KCNQ1: variants seen among roughly 807,000 people sequenced by gnomAD.
KCNQ1 encodes the protein potassium voltage-gated channel subfamily Q member 1, also known as potassium voltage-gated channel subfamily KQT member 1.
KCNQ1 carries 49 observed loss-of-function variants against 72.4 expected under a neutral mutation model. The ratio of observed to expected loss-of-function variants is 0.68; its 90% confidence interval spans 0.54 to 0.86. The LOEUF is 0.86. Among genes scored for constraint, KCNQ1 ranks in the 40% least tolerant of loss-of-function variants. The pLI is 0.00. For synonymous variants in KCNQ1, 450 were observed against 412.6 expected, an observed-to-expected ratio of 1.09 and a Z score of -1.10; for missense variants, 790 against 945.1, an observed-to-expected ratio of 0.84 and a Z score of 2.15.
chr11:2,751,917 C>G (rs1440231140), intron 11 of KCNQ1, among the ~76,000 whole-genome samples: 1 of 152,224 alleles, frequency 6.6e-6, no homozygotes, highest in Non-Finnish European at 1.5e-5. Context: ...TTCCTCTGAG[C>G]CCCTCGTGGA....
rs532590374 is a variant in KCNQ1 at position 2,803,327 on chromosome 11, G to A, written c.1794+25290G>A. Among the ~76,000 whole-genome samples, 2 of 152,346 alleles carry A rather than the reference G, an allele frequency of 1.3e-5. No individual in the cohort carries two copies. Among genetic ancestry groups the A allele is most frequent in the South Asian group, 4.1e-4 (2 of 4,824 alleles). ...GCTTCCTGGGGGCCCAGGTCAGCCT[G>A]GACGGTGGCAGGACTCGGCGAGGTG... On this transcript the variant is annotated intron_variant, in intron 15 of 15. Coordinates refer to ENST00000155840, the MANE Select transcript of KCNQ1 (RefSeq NM_000218.3). The surrounding 1 kb of genome is among the most constrained non-coding windows in gnomAD (Gnocchi z 6.4).
In KCNQ1 at chr11:2,621,903, C is replaced by A. The variant is rs899600129; in HGVS notation, c.1393+33049C>A. The A allele has an allele frequency of 2.5e-6, 1 of 398,116 alleles. No individual in the cohort carries two copies. The highest frequency in any genetic ancestry group is 2.1e-5 in the African/African-American group (1 of 48,580). 24.7% of individuals were successfully genotyped at this position (398,116 alleles called of 1,614,324 possible). A position where few individuals can be genotyped will look rare whatever the true frequency, so the allele number is the denominator to read the frequency against. Reference sequence around the variant, plus strand: ...CTGTTCTGATCTTTATTATTTCCTTCTGTTAACTTTGGCTTTAGTTTGTTC... The same window carrying A: ...CTGTTCTGATCTTTATTATTTCCTTATGTTAACTTTGGCTTTAGTTTGTTC... On this transcript the variant is annotated intron_variant, in intron 10 of 15. Transcript: ENST00000155840. This position sits in a 1 kb window ranked among gnomAD's most constrained non-coding sequence, Gnocchi z 5.7.
intron 1 of KCNQ1, among the ~76,000 whole-genome samples, chr11:2,455,088 A>C (rs147542253): frequency 1.3e-5 from 2 of 150,246 alleles, no homozygotes; most frequent in Admixed American, 1.3e-4. Flanking sequence ...ATCCATGTAC[A>C]AAAATCAGCA....
chr11:2,469,118 C>T (rs756949826), intron 1 of KCNQ1, among the ~76,000 whole-genome samples: 2 of 152,176 alleles, frequency 1.3e-5, no homozygotes, highest in East Asian at 1.9e-4. Context: ...ACAGGTGTGT[C>T]GGGGCCCTCC....
chr11:2,841,081 C>T (rs1025305605), intron 15 of KCNQ1, among the ~76,000 whole-genome samples: 17 of 152,214 alleles, frequency 1.1e-4, no homozygotes, highest in African/African-American at 4.1e-4. Flanking sequence ...GATCAATAAA[C>T]CGGGACATTT....
rs1008320397 is a variant in KCNQ1 at position 2,475,098 on chromosome 11, C to G, written c.386+29614C>G. On this transcript the variant is annotated intron_variant, in intron 1 of 15. Transcript: ENST00000155840. This position sits in a 1 kb window ranked among gnomAD's most constrained non-coding sequence, Gnocchi z 5.8. ...GGCGTCCGACACGTCTTTCTAATTCCTGAACATTTCCATCATCCGCAAGAG... is the reference window on the plus strand; with the variant it reads ...GGCGTCCGACACGTCTTTCTAATTCGTGAACATTTCCATCATCCGCAAGAG... Among the ~76,000 whole-genome samples the G allele has an allele frequency of 6.6e-6, 1 of 152,196 alleles. No individual in the cohort carries two copies. Among genetic ancestry groups the G allele is most frequent in the African/African-American group, 2.4e-5 (1 of 41,436 alleles).
chr11:2,733,730 C>T (rs1221683387), intron 11 of KCNQ1, among the ~76,000 whole-genome samples: 1 of 145,458 alleles, frequency 6.9e-6, no homozygotes, highest in African/African-American at 2.5e-5. Context: ...AGGGCAGAGG[C>T]AGTGGAGAGG....
At chr11:2,501,243 G>T (rs1847005144) in intron 1 of KCNQ1, among the ~76,000 whole-genome samples, 1 of 64,956 alleles carries the variant, frequency 1.5e-5, no homozygotes, top group Admixed American at 1.5e-4. Context: ...AAAATAAAAA[G>T]TTGGTTTTTT....
rs1262528625 is a variant in KCNQ1 at position 2,683,843 on chromosome 11, C to T, written c.1514+21762C>T. 1.3e-5 allele frequency: 5 copies of T among 398,530 alleles called. No homozygotes were observed. Among genetic ancestry groups the T allele is most frequent in the African/African-American group, 8.2e-5 (4 of 48,636 alleles). The allele number at this position is 398,530 out of a possible 1,614,324, so 24.7% of individuals were successfully genotyped here. ...CAGAATGGCTTTGTTGGATTCCCCT[C>T]CCTGGCCCCACACTCACTGCTACAT... is the stretch of plus-strand genomic sequence containing the variant. On this transcript the variant is annotated intron_variant, in intron 11 of 15. Transcript: ENST00000155840. This position sits in a 1 kb window ranked among gnomAD's most constrained non-coding sequence, Gnocchi z 4.7.
chr11:2,554,516 C>T (rs919752033), intron 2 of KCNQ1, among the ~76,000 whole-genome samples: 2 of 152,176 alleles, frequency 1.3e-5, no homozygotes, highest in Non-Finnish European at 1.5e-5. Context: ...TGCAGGGGGA[C>T]CCTCCTCAGT....
chr11:2,780,232 G>A (rs1053421615), intron 15 of KCNQ1, among the ~76,000 whole-genome samples: 1 of 152,202 alleles, frequency 6.6e-6, no homozygotes, highest in African/African-American at 2.4e-5. Context: ...CCCTGCCACT[G>A]ACTGGTGCAC....
At chr11:2,788,100 A>C (rs914319753) in intron 15 of KCNQ1, among the ~76,000 whole-genome samples, 2 of 152,140 alleles carry the variant, frequency 1.3e-5, no homozygotes, top group Admixed American at 6.5e-5. Flanking sequence ...GGCAGGGACC[A>C]TACGGGAGAG....
intron 6 of KCNQ1, among the ~76,000 whole-genome samples, 191 bp downstream of exon 6, chr11:2,573,177 T>C (rs1323003840): frequency 1.3e-5 from 2 of 152,190 alleles, no homozygotes; most frequent in African/African-American, 4.8e-5. Context: ...GTTGAGTCCT[T>C]TGGCATCACC....
chr11:2,548,837 C>T (rs774537104), intron 2 of KCNQ1, among the ~76,000 whole-genome samples: 6 of 152,236 alleles, frequency 3.9e-5, no homozygotes, highest in Non-Finnish European at 8.8e-5. Flanking sequence ...TGACTTGGCC[C>T]AGGTGGGTGG....
chr11:2,666,664 T>G (rs1850074688), intron 11 of KCNQ1: 4 of 398,602 alleles, frequency 1.0e-5, no homozygotes, highest in Non-Finnish European at 1.8e-5. Flanking sequence ...CTAGCTCTTT[T>G]GATGGGACCA....
rs533680207 is a variant in KCNQ1 at position 2,610,970 on chromosome 11, A to T, written c.1393+22116A>T. On this transcript the variant is annotated intron_variant, in intron 10 of 15. Coordinates refer to ENST00000155840, the MANE Select transcript of KCNQ1 (RefSeq NM_000218.3). The stretch of plus-strand genomic sequence containing the variant: ...AGAACAACAAGACAGAAAATCAACA[A>T]GAGTTAGTACTATTATTGTTGAGTT... 2.8e-5 allele frequency: 11 copies of T among 398,116 alleles called. No individual in the cohort carries two copies. The South Asian group carries it at 1.4e-3, about 51-fold the overall frequency. The allele number at this position is 398,116 out of a possible 1,614,324, so 24.7% of individuals were successfully genotyped here.
At chr11:2,837,024 C>T (rs531553306) in intron 15 of KCNQ1, among the ~76,000 whole-genome samples, 9 of 152,248 alleles carry the variant, frequency 5.9e-5, no homozygotes, top group South Asian at 2.1e-4. Flanking sequence ...GCACCCCAGC[C>T]GCAGAGAGCC....
chr11:2,738,181 G>A (rs1447163251), intron 11 of KCNQ1, among the ~76,000 whole-genome samples: 1 of 150,814 alleles, frequency 6.6e-6, no homozygotes, highest in African/African-American at 2.5e-5. Context: ...GGGCAGAAGT[G>A]AGCCCCTGGC....
At chr11:2,554,780 TAA>T (rs1848043571) in intron 2 of KCNQ1, among the ~76,000 whole-genome samples, 1 of 152,246 alleles carries the variant, frequency 6.6e-6, no homozygotes, top group Non-Finnish European at 1.5e-5. Context: ...ACTTCAGCCC[TAA>T]AACAACATAC....
Sources: allele counts gnomAD v4.1 joint callset (sites outside exome capture counted in the v4.1 genomes callset), GRCh38; gene constraint gnomAD v4.1.1; non-coding constraint Gnocchi (gnomAD v3.1); transcripts MANE v1.5; gene names NCBI Gene and HGNC (gene_info 2026-07-23, HGNC 2026-07-21).